RSPH6A: variants seen among roughly 807,000 people sequenced by gnomAD.
The protein encoded by RSPH6A is radial spoke head protein 6 homolog A.
In RSPH6A, 49 loss-of-function variants were observed where a neutral mutation model predicts 66.1. That is an observed-to-expected ratio of 0.74 (90% CI 0.59 to 0.94). The LOEUF (loss-of-function observed/expected upper bound fraction) is 0.94. Ranked by LOEUF, RSPH6A falls within the 40% of genes least tolerant of loss-of-function variation. The pLI, the probability that RSPH6A is intolerant of heterozygous loss-of-function variation, is 0.00. For synonymous variants in RSPH6A, 419 were observed against 402.4 expected (o/e 1.04, Z -0.49); for missense variants, 977 against 948.3 (o/e 1.03, Z -0.40).
chr19:45,800,134 C>G (rs887457997), intron 5 of RSPH6A, among the ~76,000 whole-genome samples: 4 of 152,220 alleles, frequency 2.6e-5, no homozygotes, highest in African/African-American at 9.6e-5. Context: ...GAGAGGGATT[C>G]TGCTGCTGTC....
chr19:45,797,444 CAT>C (rs1487201944), intron 5 of RSPH6A, among the ~76,000 whole-genome samples: 3 of 151,518 alleles, frequency 2.0e-5, no homozygotes, highest in African/African-American at 7.3e-5. Context: ...ATATGTGGCT[CAT>C]ATTTTATTTA....
chr19:45,807,721 T>C (rs958915117), intron 2 of RSPH6A, among the ~76,000 whole-genome samples: 7 of 151,776 alleles, frequency 4.6e-5, no homozygotes, highest in African/African-American at 7.3e-5. Context: ...ATGTTGGCCA[T>C]GCTGGTCTCG....
At chr19:45,811,295 A>G (rs1488998896) in intron 1 of RSPH6A, among the ~76,000 whole-genome samples, 1 of 151,588 alleles carries the variant, frequency 6.6e-6, no homozygotes, top group East Asian at 1.9e-4. Flanking sequence ...CCTTGCCGAC[A>G]TTCTTATGGT....
rs1300016729 is a variant in RSPH6A at position 45,814,787 on chromosome 19, C to T, written c.390G>A (p.Leu130=). The change falls in exon 1 of 6, where the codon CTG becomes CTA. Residue 130 remains leucine (L), a synonymous_variant. Transcript: ENST00000221538. ...GGAAGGTGGGGTCCAGTTGCTGGAA[C>T]AGGCTGCTTTGGCCCTGCTGGAGCC... ...LQRLQQGQSS[L]FQQLDPTFQE... The T allele has an allele frequency of 1.2e-6, 2 of 1,613,816 alleles. No homozygotes were observed. Among genetic ancestry groups the T allele is most frequent in the Non-Finnish European group, 1.7e-6 (2 of 1,179,848 alleles).
At position 45,814,514 on chromosome 19, in the gene RSPH6A, A is replaced by G. The variant is rs374582235; in HGVS notation, c.650+13T>C. On this transcript the variant is annotated intron_variant, in intron 1 of 5. Coordinates refer to ENST00000221538, the MANE Select transcript of RSPH6A (RefSeq NM_030785.4). ...TGGGTCCCCCACCCGCCCCACTCCT[A>G]GCCCCTGCTCACAGGCTGAGGTCGC... The G allele has an allele frequency of 5.4e-6, 8 of 1,479,652 alleles. No homozygotes were observed. 91.7% of individuals were successfully genotyped at this position (1,479,652 alleles called of 1,614,324 possible). A position where few individuals can be genotyped will look rare whatever the true frequency, so the allele number is the denominator to read the frequency against.
intron 4 of RSPH6A, 67 bp from the exon 5 acceptor site, chr19:45,800,630 C>T: frequency 2.2e-6 from 3 of 1,357,884 alleles, no homozygotes; most frequent in Non-Finnish European, 3.0e-6. Flanking sequence ...GCACTGCACC[C>T]TGAAGGAAGG....
At chr19:45,802,999 G>T (rs1416742080) in intron 3 of RSPH6A, among the ~76,000 whole-genome samples, 16 of 150,322 alleles carry the variant, frequency 1.1e-4, no homozygotes, top group East Asian at 2.0e-4. Flanking sequence ...ACGAGGTCAG[G>T]AGATAGAGAC....
chr19:45,807,462 AC>A (rs1970561315), intron 2 of RSPH6A, among the ~76,000 whole-genome samples: 1 of 149,594 alleles, frequency 6.7e-6, no homozygotes, highest in Non-Finnish European at 1.5e-5. Context: ...TGATCCACCC[AC>A]CTTGGCCTCC....
At position 45,795,922 on chromosome 19, in the gene RSPH6A, C is replaced by CGCCCTCCTCCTCCTCCTT; in HGVS notation, c.2100_2101insAAGGAGGAGGAGGAGGGC (p.Thr700_Glu701insLysGluGluGluGluGly). ...TCCTCCTCGCCCTCCTCCTCCTCCT[C>CGCCCTCCTCCTCCTCCTT]TGTGGCTCCCAGGGCTTGTTCCTGG... On this transcript the variant is annotated inframe_insertion, in exon 6 of 6. Transcript: ENST00000221538. 1.2e-6 allele frequency: 2 copies of CGCCCTCCTCCTCCTCCTT among 1,613,716 alleles called. No homozygotes were observed. Among genetic ancestry groups the CGCCCTCCTCCTCCTCCTT allele is most frequent in the Non-Finnish European group, 1.7e-6 (2 of 1,179,924 alleles).
chr19:45,796,310 C>T (rs774604217), intron 5 of RSPH6A, among the ~76,000 whole-genome samples: 1 of 151,888 alleles, frequency 6.6e-6, no homozygotes, highest in South Asian at 2.1e-4. Context: ...CGCGTCACTA[C>T]GCCCAGCTAA....
chr19:45,813,770 G>A (rs899579057), intron 1 of RSPH6A, among the ~76,000 whole-genome samples: 32 of 152,140 alleles, frequency 2.1e-4, no homozygotes, highest in Admixed American at 1.6e-3. Context: ...AGCATCCTGG[G>A]TATCTAATGG....
chr19:45,803,993 C>CAAAAAA (rs55863032), intron 3 of RSPH6A, among the ~76,000 whole-genome samples: 1 of 103,526 alleles, frequency 9.7e-6, no homozygotes, highest in Non-Finnish European at 2.0e-5. Context: ...GACTCTGTCT[C>CAAAAAA]AAAAAAAAAA....
intron 2 of RSPH6A, among the ~76,000 whole-genome samples, chr19:45,807,138 C>T (rs892475472): frequency 2.6e-5 from 4 of 151,964 alleles, no homozygotes; most frequent in East Asian, 1.9e-4. Context: ...GTGATCCGCC[C>T]GTCTTGGCCT....
chr19:45,798,540 A>C (rs1382020095), intron 5 of RSPH6A, among the ~76,000 whole-genome samples: 8 of 9,714 alleles, frequency 8.2e-4, no homozygotes, highest in Non-Finnish European at 2.2e-3. Context: ...ACCCTATCTC[A>C]AAAAAAAAAA....
intron 2 of RSPH6A, among the ~76,000 whole-genome samples, chr19:45,810,117 C>T (rs989763774): frequency 6.6e-6 from 1 of 152,070 alleles, no homozygotes; most frequent in Non-Finnish European, 1.5e-5. Flanking sequence ...AAGACCAACC[C>T]GGCCAACATA....
chr19:45,797,581 T>A (rs1423899792), intron 5 of RSPH6A, among the ~76,000 whole-genome samples: 1 of 151,272 alleles, frequency 6.6e-6, no homozygotes, highest in Non-Finnish European at 1.5e-5. Flanking sequence ...GTAAACAAAC[T>A]AGACAAAACT....
At chr19:45,797,010 A>C (rs1208077259) in intron 5 of RSPH6A, among the ~76,000 whole-genome samples, 1 of 152,040 alleles carries the variant, frequency 6.6e-6, no homozygotes, top group African/African-American at 2.4e-5. Context: ...TTGAGGCTGC[A>C]GTAAGTTGTG....
At chr19:45,797,187 T>C (rs202061069) in intron 5 of RSPH6A, among the ~76,000 whole-genome samples, 37 of 151,674 alleles carry the variant, frequency 2.4e-4, no homozygotes, top group African/African-American at 8.7e-4. Context: ...CCAGCCTAGC[T>C]AACACGGTGA....
chr19:45,806,160 C>T (rs902009984), intron 2 of RSPH6A, among the ~76,000 whole-genome samples: 8 of 152,126 alleles, frequency 5.3e-5, no homozygotes, highest in Non-Finnish European at 1.2e-4. Context: ...AGGTCTCGAA[C>T]GGAGGAGTCA....
Sources: allele counts gnomAD v4.1 joint callset (sites outside exome capture counted in the v4.1 genomes callset), GRCh38; gene constraint gnomAD v4.1.1; transcripts MANE v1.5; gene names NCBI Gene and HGNC (gene_info 2026-07-23, HGNC 2026-07-21).